Variants in CCDC88A observed in about 807,000 individuals in gnomAD.
CCDC88A encodes the protein coiled-coil and HOOK domain protein 88A.
Under a neutral mutation model 234.3 loss-of-function variants are expected in CCDC88A, and 54 were observed. The observed-to-expected ratio is 0.23, with a 90% confidence interval of 0.19 to 0.29. The LOEUF is 0.29. CCDC88A is among the 10% of genes least tolerant of loss of function. CCDC88A has a pLI of 1.00. For synonymous variants in CCDC88A, 753 were observed against 737.8 expected (o/e 1.02, Z -0.33); for missense variants, 1,832 against 2,123.4 (o/e 0.86, Z 2.70).
chr2:55,401,208 T>A (rs954076444), intron 2 of CCDC88A, among the ~76,000 whole-genome samples: 17 of 151,462 alleles, frequency 1.1e-4, no homozygotes, highest in African/African-American at 3.9e-4. Context: ...GGCCAGAGAA[T>A]TGCTTCAGGC....
At chr2:55,299,061 T>C (rs1450057334) in intron 29 of CCDC88A, among the ~76,000 whole-genome samples, 1 of 151,794 alleles carries the variant, frequency 6.6e-6, no homozygotes, top group Non-Finnish European at 1.5e-5. Flanking sequence ...ATTAGCTGGG[T>C]GTGGTGGTCG....
chr2:55,414,708 C>A lies in CCDC88A; in HGVS notation c.164+4108G>T, dbSNP rs922872285. On this transcript the variant is annotated intron_variant, in intron 2 of 32. Transcript: ENST00000436346. ...GAGTCTGGGTGCAAAACAGCAACAACAGAGTCATTAAATTAATCAATTTTC... is the reference window on the plus strand; with the variant it reads ...GAGTCTGGGTGCAAAACAGCAACAAAAGAGTCATTAAATTAATCAATTTTC... Among the ~76,000 whole-genome samples, 10 of 49,262 alleles carry A rather than the reference C, an allele frequency of 2.0e-4. No homozygotes were observed. In the South Asian group the frequency reaches 3.7e-3, roughly 18 times the overall value. The allele number at this position is 49,262 out of a possible 152,430, so 32.3% of individuals were successfully genotyped here. A position where few individuals can be genotyped will look rare whatever the true frequency, so the allele number is the denominator to read the frequency against.
At chr2:55,322,235 G>C (rs1683729418) in intron 18 of CCDC88A, among the ~76,000 whole-genome samples, 1 of 152,276 alleles carries the variant, frequency 6.6e-6, no homozygotes, top group South Asian at 2.1e-4. Flanking sequence ...ATAGTGAATA[G>C]TTTAAGTCAG....
chr2:55,337,113 A>G (rs577680549), intron 13 of CCDC88A: 1 of 197,252 alleles, frequency 5.1e-6, no homozygotes, highest in Non-Finnish European at 1.0e-5. Context: ...AACTATACAA[A>G]CTTTATTTAA....
At chr2:55,370,971 G>C (rs1672761354) in intron 5 of CCDC88A, among the ~76,000 whole-genome samples, 1 of 152,040 alleles carries the variant, frequency 6.6e-6, no homozygotes, top group Non-Finnish European at 1.5e-5. Context: ...GCGTGATCAT[G>C]ACACTGCACT....
chr2:55,378,765 A>G (rs1178602150), intron 3 of CCDC88A, among the ~76,000 whole-genome samples: 1 of 120,732 alleles, frequency 8.3e-6, no homozygotes, highest in Non-Finnish European at 1.7e-5. Context: ...TTTTTTTTTG[A>G]GACGGAGTCT....
At chr2:55,355,428 T>A (rs994855466) in intron 8 of CCDC88A, 151 bp downstream of exon 8, 2 of 656,078 alleles carry the variant, frequency 3.0e-6, no homozygotes, top group African/African-American at 1.9e-5. Flanking sequence ...GATTTAACAA[T>A]AGGAAAACCT....
At chr2:55,294,906 T>C (rs950828761) in intron 31 of CCDC88A, 2 of 1,134,566 alleles carry the variant, frequency 1.8e-6, no homozygotes, top group African/African-American at 1.6e-5. Flanking sequence ...TTCACATTAA[T>C]ATACATGCCA....
At position 55,355,601 on chromosome 2, in the gene CCDC88A, T is replaced by A. The variant is rs1207064941; in HGVS notation, c.778A>T (p.Ile260Leu). 6.2e-7 allele frequency: 1 copy of A among 1,614,138 alleles called. No individual in the cohort carries two copies. The highest frequency in any genetic ancestry group is 8.5e-7 in the Non-Finnish European group (1 of 1,179,960). ...TACAATTCCTGCCTAAGCCTTCTTA[T>A]CTTGGCTTTAGCATCTGCCAGTTCC... ...SVELADAKAK[I>L]RRLRQELEEK... The change falls in exon 8 of 33, where the codon ATA becomes TTA. Residue 260 changes from isoleucine (I) to leucine (L), a missense_variant. Physicochemically the swap from Ile to Leu is conservative, Grantham distance 5 (BLOSUM62 2). Transcript: ENST00000436346.
At position 55,309,140 on chromosome 2, in the gene CCDC88A, C is replaced by T; in HGVS notation, c.4172+22G>A. 6.8e-7 allele frequency: 1 copy of T among 1,467,422 alleles called. No individual in the cohort carries two copies. The highest frequency in any genetic ancestry group is 1.2e-5 in the South Asian group (1 of 83,732). The allele number at this position is 1,467,422 out of a possible 1,614,324, so 90.9% of individuals were successfully genotyped here. ...AGTGTTTTTTTTCAGAATAAGAATTCATAAAATTTGGTTAATGGTACCTTC... is the reference window on the plus strand; with the variant it reads ...AGTGTTTTTTTTCAGAATAAGAATTTATAAAATTTGGTTAATGGTACCTTC... On this transcript the variant is annotated intron_variant, in intron 24 of 32. Transcript: ENST00000436346. This position sits in a 1 kb window ranked among gnomAD's most constrained non-coding sequence, Gnocchi z 5.1.
chr2:55,296,246 G>A lies in CCDC88A; in HGVS notation c.5091+12C>T. The A allele has an allele frequency of 6.2e-7, 1 of 1,609,904 alleles. No individual in the cohort carries two copies. The highest frequency in any genetic ancestry group is 8.5e-7 in the Non-Finnish European group (1 of 1,178,286). On this transcript the variant is annotated intron_variant, in intron 30 of 32. Coordinates refer to ENST00000436346, the MANE Select transcript of CCDC88A (RefSeq NM_001365480.1). ...GTTCATCTAAATTAAGGTCATCATA[G>A]ATAAAACTAACCTGTACTGAGGTAA...
At chr2:55,347,606 C>CTT (rs547733323) in intron 9 of CCDC88A, among the ~76,000 whole-genome samples, 37 of 102,146 alleles carry the variant, frequency 3.6e-4, no homozygotes, top group African/African-American at 5.1e-4. Context: ...ATTCATCTAC[C>CTT]TTTTTTTTTT....
intron 5 of CCDC88A, among the ~76,000 whole-genome samples, chr2:55,371,494 C>G (rs1436659905): frequency 2.6e-5 from 4 of 152,044 alleles, no homozygotes; most frequent in Admixed American, 2.0e-4. Context: ...CAAAAAATGG[C>G]TGAAATGAAA....
Position 55,407,855 on chromosome 2 carries a change from T to C in CCDC88A, c.164+10961A>G, listed in dbSNP as rs563664058. Among the ~76,000 whole-genome samples the C allele has an allele frequency of 7.3e-5, 11 of 151,030 alleles. No individual in the cohort carries two copies. The East Asian group carries it at 2.2e-3, about 30-fold the overall frequency. On this transcript the variant is annotated intron_variant, in intron 2 of 32. Coordinates refer to ENST00000436346, the MANE Select transcript of CCDC88A (RefSeq NM_001365480.1). ...GCCTCTGCCTCCCGTGTAGCTGGGA[T>C]TACAGGCACCCACCACCATGCCCAG...
At chr2:55,292,984 A>G (rs1679602913) in intron 31 of CCDC88A, 2 of 150,136 alleles carry the variant, frequency 1.3e-5, no homozygotes, top group African/African-American at 4.9e-5. Flanking sequence ...GACATGATAC[A>G]TATTTCTCTT....
At chr2:55,375,734 G>A (rs971080219) in intron 3 of CCDC88A, among the ~76,000 whole-genome samples, 1 of 151,534 alleles carries the variant, frequency 6.6e-6, no homozygotes, top group African/African-American at 2.4e-5. Context: ...CACCATGTTG[G>A]CCAGGCTGGT....
At chr2:55,353,822 A>G (rs1670204834) in intron 8 of CCDC88A, among the ~76,000 whole-genome samples, 1 of 152,180 alleles carries the variant, frequency 6.6e-6, no homozygotes, top group East Asian at 1.9e-4. Context: ...AATTAAGAAA[A>G]TACAATTTCA....
At chr2:55,416,443 AATATATAT>A (rs60840841) in intron 2 of CCDC88A, among the ~76,000 whole-genome samples, 7 of 15,840 alleles carry the variant, frequency 4.4e-4, no homozygotes, top group South Asian at 3.2e-3. Context: ...TAAATAAATA[AATATATAT>A]ATATATATAT....
intron 2 of CCDC88A, among the ~76,000 whole-genome samples, chr2:55,402,729 G>T (rs1311167486): frequency 6.8e-6 from 1 of 148,114 alleles, no homozygotes; most frequent in African/African-American, 2.5e-5. Flanking sequence ...AAAAAAACCG[G>T]CCAGGCGTGG....
Sources: allele counts gnomAD v4.1 joint callset (sites outside exome capture counted in the v4.1 genomes callset), GRCh38; gene constraint gnomAD v4.1.1; non-coding constraint Gnocchi (gnomAD v3.1); transcripts MANE v1.5; gene names NCBI Gene and HGNC (gene_info 2026-07-23, HGNC 2026-07-21).